Variants in TNFRSF4 observed in about 807,000 individuals in gnomAD.
TNFRSF4 encodes tumor necrosis factor receptor superfamily member 4.
TNFRSF4 carries 21 observed loss-of-function variants against 29.5 expected under a neutral mutation model. The ratio of observed to expected loss-of-function variants is 0.71; its 90% CI spans 0.51 to 1.03. The LOEUF (loss-of-function observed/expected upper bound fraction) is 1.03. Among genes scored for constraint, TNFRSF4 ranks in the 50% least tolerant of loss-of-function variants. The pLI, the probability that TNFRSF4 is intolerant of heterozygous loss-of-function variation, is 0.00. For synonymous variants in TNFRSF4, 197 were observed against 172.7 expected (o/e 1.14, Z -1.10); for missense variants, 408 against 387.8 (o/e 1.05, Z -0.44).
chr1:1,213,472 C>T, intron 2 of TNFRSF4, 191 bp downstream of exon 2: 1 of 1,483,320 alleles, frequency 6.7e-7, no homozygotes, highest in Non-Finnish European at 8.9e-7. Flanking sequence ...AGTCTGGGCC[C>T]CCGGAGGGAG....
chr1:1,214,123 C>T lies in TNFRSF4; in HGVS notation c.5G>A (p.Cys2Tyr), dbSNP rs781743730. The change falls in exon 1 of 7, where the codon TGC becomes TAC. Residue 2 changes from cysteine to tyrosine, a missense_variant. By Grantham distance (194) the Cys-to-Tyr change is radical. Coordinates refer to ENST00000379236, the MANE Select transcript of TNFRSF4 (RefSeq NM_003327.4). This position sits in a 1 kb window ranked among gnomAD's most constrained non-coding sequence, Gnocchi z 4.2. ...GCGGCCCAGCCGCCGAGCCCCCACG[C>T]ACATCCTCGTCTCTGCTGTCGCCAG... MCVGARRLGRGP... is the reference protein window; with the variant it reads MYVGARRLGRGP... 1 of 1,579,830 alleles carries T rather than the reference C, an allele frequency of 6.3e-7. No individual in the cohort carries two copies. The highest frequency in any genetic ancestry group is 1.1e-5 in the South Asian group (1 of 87,900).
chr1:1,212,195 G>A, intron 4 of TNFRSF4, 57 bp from the exon 5 acceptor site: 7 of 1,583,704 alleles, frequency 4.4e-6, no homozygotes, highest in Non-Finnish European at 6.0e-6. Flanking sequence ...CCCGGGAGAT[G>A]CGGTGGGGAT....
rs879206506 is a variant in TNFRSF4 at position 1,211,780 on chromosome 1, G to A, written c.687C>T (p.Gly229=). 2 of 1,559,808 alleles carry A rather than the reference G, an allele frequency of 1.3e-6. No individual in the cohort carries two copies. Among genetic ancestry groups the A allele is most frequent in the Non-Finnish European group, 8.7e-7 (1 of 1,155,324 alleles). The change falls in exon 6 of 7, where the codon GGC becomes GGT. Residue 229 remains glycine, a synonymous_variant. Transcript: ENST00000379236. ...ACAGGGCCAGCAGGATGGCCAGGGGGCCCAGCAGCCCCAGCACCAGGCCCA... is the reference window on the plus strand; with the variant it reads ...ACAGGGCCAGCAGGATGGCCAGGGGACCCAGCAGCCCCAGCACCAGGCCCA... The part of the protein sequence containing the change: ...LGLGLVLGLL[G]PLAILLALYL...
At position 1,214,137 on chromosome 1, in the gene TNFRSF4, T is replaced by G. The variant is rs1473030090; in HGVS notation, c.-10A>C. 1 of 1,571,386 alleles carries G rather than the reference T, an allele frequency of 6.4e-7. No individual in the cohort carries two copies. Among genetic ancestry groups the G allele is most frequent in the African/African-American group, 1.3e-5 (1 of 74,210 alleles). ...GAGCCCCCACGCACATCCTCGTCTC[T>G]GCTGTCGCCAGAGTCTGGGTTTTCC... On this transcript the variant is annotated 5_prime_UTR_variant, in exon 1 of 7. Coordinates refer to ENST00000379236, the MANE Select transcript of TNFRSF4 (RefSeq NM_003327.4). This position sits in a 1 kb window ranked among gnomAD's most constrained non-coding sequence, Gnocchi z 4.2.
chr1:1,213,090 C>T lies in TNFRSF4; in HGVS notation c.272G>A (p.Ser91Asn). 6.2e-7 allele frequency: 1 copy of T among 1,609,062 alleles called. No individual in the cohort carries two copies. Among genetic ancestry groups the T allele is most frequent in the South Asian group, 1.1e-5 (1 of 90,578 alleles). The stretch of plus-strand genomic sequence containing the variant: ...GCACAGCTGCTTCCGCTCACTCCCA[C>T]TTCCTGAGCAGGGGCCGGATGGGGG... ...CKPCTWCNLR[S>N]GSERKQLCTA... Residue 91 changes from serine to asparagine, a missense_variant, in exon 3 of 7, where the codon AGT (serine) becomes AAT (asparagine). Coordinates refer to ENST00000379236, the MANE Select transcript of TNFRSF4 (RefSeq NM_003327.4).
In TNFRSF4 at chr1:1,212,602, C is replaced by A. The variant is rs756014065; in HGVS notation, c.437+36G>T. The A allele has an allele frequency of 8.0e-5, 110 of 1,382,690 alleles. 3 individuals are homozygous for A. The highest frequency in any genetic ancestry group is 3.7e-4 in the East Asian group (13 of 34,736). The allele number at this position is 1,382,690 out of a possible 1,614,324, so 85.7% of individuals were successfully genotyped here. ...CGCCCTCCTAACCACCCCAACCCCC[C>A]CCCAGCCCCTCCCAGCCCCTGGCCA... On this transcript the variant is annotated intron_variant, in intron 4 of 6. Transcript: ENST00000379236.
rs376354151 is a variant in TNFRSF4 at position 1,213,745 on chromosome 1, C to T, written c.186G>A (p.Thr62=). ...MVSRCSRSQN[T]VCRPCGPGFY... ...AGCCCGGCCCGCACGGACGGCACAC[C>T]GTGTTCTGGGAGCGGCTGCAGCGGC... Residue 62 remains threonine (T), a synonymous_variant, in exon 2 of 7, where the codon ACG becomes ACA. Coordinates refer to ENST00000379236, the MANE Select transcript of TNFRSF4 (RefSeq NM_003327.4). 24 of 1,603,446 alleles carry T rather than the reference C, an allele frequency of 1.5e-5. No homozygotes were observed. Among genetic ancestry groups the T allele is most frequent in the East Asian group, 9.0e-5 (4 of 44,380 alleles).
At position 1,214,097 on chromosome 1, in the gene TNFRSF4, C is replaced by G. The variant is rs376504072; in HGVS notation, c.31G>C (p.Gly11Arg). 2 of 1,586,466 alleles carry G rather than the reference C, an allele frequency of 1.3e-6. No individual in the cohort carries two copies. The highest frequency in any genetic ancestry group is 1.7e-6 in the Non-Finnish European group (2 of 1,171,528). MCVGARRLGR[G>R]PCAALLLLGL... is the part of the protein sequence containing the mutation. ...AGGAGGAGCAGAGCCGCACACGGCC[C>G]GCGGCCCAGCCGCCGAGCCCCCACG... is the stretch of plus-strand genomic sequence containing the variant. Residue 11 changes from glycine (G) to arginine (R), a missense_variant, in exon 1 of 7, where the codon GGG becomes CGG. Physicochemically the swap from Gly to Arg is moderately radical, Grantham distance 125. Transcript: ENST00000379236. This position sits in a 1 kb window ranked among gnomAD's most constrained non-coding sequence, Gnocchi z 4.2.
chr1:1,213,536 C>T, intron 2 of TNFRSF4, 127 bp downstream of exon 2: 1 of 1,467,924 alleles, frequency 6.8e-7, no homozygotes, highest in Non-Finnish European at 9.0e-7. Flanking sequence ...TGTGGCGGAG[C>T]AGACCCCGCT....
chr1:1,212,633 C>T lies in TNFRSF4; in HGVS notation c.437+5G>A, dbSNP rs1557506739. On this transcript the variant is annotated splice_donor_5th_base_variant and intron_variant, in intron 4 of 6. Transcript: ENST00000379236. Reference sequence around the variant, plus strand: ...CCCCTCCCAGCCCCTGGCCAGGCCCCTCACTTGGTCCAGGGCTTGCAGGCC... The same window carrying T: ...CCCCTCCCAGCCCCTGGCCAGGCCCTTCACTTGGTCCAGGGCTTGCAGGCC... 5.9e-6 allele frequency: 9 copies of T among 1,531,972 alleles called. No homozygotes were observed. Among genetic ancestry groups the T allele is most frequent in the South Asian group, 1.2e-5 (1 of 82,606 alleles). The allele number at this position is 1,531,972 out of a possible 1,614,324, so 94.9% of individuals were successfully genotyped here.
chr1:1,211,694 A>AGGCGTGC lies in TNFRSF4; in HGVS notation c.763+9_763+10insGCACGCC, dbSNP rs758188242. ...CCAGGAGCAGTGCGGCAGGGCCATG[A>AGGCGTGC]GGCACTCACCAGGGGGCTTGTGGGC... On this transcript the variant is annotated intron_variant, in intron 6 of 6. Coordinates refer to ENST00000379236, the MANE Select transcript of TNFRSF4 (RefSeq NM_003327.4). 83 of 1,589,954 alleles carry AGGCGTGC rather than the reference A, an allele frequency of 5.2e-5. No homozygotes were observed. In the African/African-American group the frequency reaches 1.1e-3, roughly 21 times the overall value.
Position 1,213,688 on chromosome 1 carries a change from G to A in TNFRSF4, c.243C>T (p.Cys81=). ...TGAGGTTACACCACGTGCAGGGCTT[G>A]CACGGCTTGGAGCTGACCACGTCGT... ...FYNDVVSSKP[C]KPCTWCNLRS... is the part of the protein sequence containing the mutation. The change falls in exon 2 of 7, where the codon TGC becomes TGT. Residue 81 remains cysteine (C), a synonymous_variant. Coordinates refer to ENST00000379236, the MANE Select transcript of TNFRSF4 (RefSeq NM_003327.4). 1 of 1,595,560 alleles carries A rather than the reference G, an allele frequency of 6.3e-7. No homozygotes were observed. The highest frequency in any genetic ancestry group is 1.1e-5 in the South Asian group (1 of 88,038).
At chr1:1,212,419 C>T (rs1649188437) in intron 4 of TNFRSF4, among the ~76,000 whole-genome samples, 1 of 151,978 alleles carries the variant, frequency 6.6e-6, no homozygotes, top group African/African-American at 2.4e-5. Flanking sequence ...CACCCAGCTC[C>T]ACCCACAGGG....
At chr1:1,213,877 C>G in intron 1 of TNFRSF4, 92 bp from the exon 2 acceptor site, 1 of 1,452,552 alleles carries the variant, frequency 6.9e-7, no homozygotes, top group South Asian at 1.4e-5. Context: ...CTTGGCCGGC[C>G]CCTCACCCGC....
chr1:1,212,832 C>T (rs959564399), intron 3 of TNFRSF4, 128 bp from the exon 4 acceptor site: 4 of 1,216,482 alleles, frequency 3.3e-6, no homozygotes, highest in African/African-American at 1.5e-5. Flanking sequence ...GGAAGCCCTC[C>T]CTGCCCACAT....
At position 1,211,543 on chromosome 1, in the gene TNFRSF4, G is replaced by T. The variant is rs34057472; in HGVS notation, c.*12C>A. 144 of 1,484,794 alleles carry T rather than the reference G, an allele frequency of 9.7e-5. No homozygotes were observed. The highest frequency in any genetic ancestry group is 1.2e-4 in the Non-Finnish European group (139 of 1,119,204). 92.0% of individuals were successfully genotyped at this position (1,484,794 alleles called of 1,614,324 possible). ...CCTGGCGGGGCCCAGCGTCCACCTT[G>T]GTGGGCCCAGGTCAGATCTTGGCCA... On this transcript the variant is annotated 3_prime_UTR_variant, in exon 7 of 7. Transcript: ENST00000379236.
rs1649152846 is a variant in TNFRSF4 at position 1,212,010 on chromosome 1, A to G, written c.566T>C (p.Val189Ala). 6.2e-7 allele frequency: 1 copy of G among 1,609,618 alleles called. No homozygotes were observed. The highest frequency in any genetic ancestry group is 8.5e-7 in the Non-Finnish European group (1 of 1,178,722). The change falls in exon 5 of 7, where the codon GTC becomes GCC. Residue 189 changes from valine (V) to alanine (A), a missense_variant. By Grantham distance (64) the Val-to-Ala change is moderately conservative (BLOSUM62 0). Coordinates refer to ENST00000379236, the MANE Select transcript of TNFRSF4 (RefSeq NM_003327.4). ...TCTGGGCCAGGCTTCAGTGGGCTGG[A>G]CAGTGATGGGCCTGGCCGGGGGGCC... ...TQGPPARPIT[V>A]QPTEAWPRTS... is the part of the protein sequence containing the mutation.
At position 1,213,747 on chromosome 1, in the gene TNFRSF4, T is replaced by A. The variant is rs1023569444; in HGVS notation, c.184A>T (p.Thr62Ser). 6.2e-7 allele frequency: 1 copy of A among 1,603,636 alleles called. No homozygotes were observed. The highest frequency in any genetic ancestry group is 8.5e-7 in the Non-Finnish European group (1 of 1,176,414). ...MVSRCSRSQN[T>S]VCRPCGPGFY... The stretch of plus-strand genomic sequence containing the variant: ...CCCGGCCCGCACGGACGGCACACCG[T>A]GTTCTGGGAGCGGCTGCAGCGGCTC... The change falls in exon 2 of 7, where the codon ACG becomes TCG. Residue 62 changes from threonine (T) to serine (S), a missense_variant. Thr to Ser is a moderately conservative substitution (Grantham distance 58). Coordinates refer to ENST00000379236, the MANE Select transcript of TNFRSF4 (RefSeq NM_003327.4).
chr1:1,212,650 T>C lies in TNFRSF4; in HGVS notation c.425A>G (p.Lys142Arg), dbSNP rs974620042. Residue 142 changes from lysine (K) to arginine (R), a missense_variant, in exon 4 of 7, where the codon AAG becomes AGG. Lys to Arg is a conservative substitution (Grantham distance 26). Coordinates refer to ENST00000379236, the MANE Select transcript of TNFRSF4 (RefSeq NM_003327.4). ...CCAGGCCCCTCACTTGGTCCAGGGC[T>C]TGCAGGCCTGGTTGTCGCCTGGGGA... Reference protein sequence around the residue: ...HFSPGDNQACKPWTNCTLAGK... With the variant: ...HFSPGDNQACRPWTNCTLAGK... The C allele has an allele frequency of 6.4e-6, 9 of 1,408,048 alleles. No homozygotes were observed. The Middle Eastern group carries it at 6.8e-4, about 106-fold the overall frequency. The allele number at this position is 1,408,048 out of a possible 1,614,324, so 87.2% of individuals were successfully genotyped here. A position where few individuals can be genotyped will look rare whatever the true frequency, so the allele number is the denominator to read the frequency against.
Sources: allele counts gnomAD v4.1 joint callset (sites outside exome capture counted in the v4.1 genomes callset), GRCh38; gene constraint gnomAD v4.1.1; non-coding constraint Gnocchi (gnomAD v3.1); transcripts MANE v1.5; gene names NCBI Gene and HGNC (gene_info 2026-07-23, HGNC 2026-07-21).